The following CCBE1 variants were observed in gnomAD, a reference collection of about 807,000 sequenced individuals.
CCBE1 encodes the protein collagen and calcium binding EGF domains 1.
Under a neutral mutation model 50.0 loss-of-function variants are expected in CCBE1, and 37 were observed. The observed-to-expected ratio is 0.74, with a 90% CI of 0.57 to 0.97. CCBE1 has a LOEUF of 0.97. Ranked by LOEUF, CCBE1 falls within the 50% of genes least tolerant of loss-of-function variation. CCBE1 has a pLI of 0.00. For synonymous variants in CCBE1, 234 were observed against 203.7 expected, an observed-to-expected ratio of 1.15 and a Z score of -1.27; for missense variants, 538 against 523.8, an observed-to-expected ratio of 1.03 and a Z score of -0.26.
At chr18:59,682,931 C>A (rs73961295) in intron 2 of CCBE1, among the ~76,000 whole-genome samples, 24 of 152,318 alleles carry the variant, frequency 1.6e-4, no homozygotes, top group African/African-American at 5.3e-4. Flanking sequence ...TTGTGCCCCC[C>A]CTTCCCTGTA....
At chr18:59,629,055 T>C (rs2053821403) in intron 2 of CCBE1, among the ~76,000 whole-genome samples, 1 of 152,270 alleles carries the variant, frequency 6.6e-6, no homozygotes, top group East Asian at 1.9e-4. Flanking sequence ...GCCAGGGTAG[T>C]CTGGGACATA....
chr18:59,563,267 G>A (rs1020033613), intron 2 of CCBE1, among the ~76,000 whole-genome samples: 43 of 152,170 alleles, frequency 2.8e-4, no homozygotes, highest in African/African-American at 1.0e-3. Flanking sequence ...TGGGGGTTGG[G>A]GGGAAGAATA....
chr18:59,656,466 G>A (rs1190084937), intron 2 of CCBE1, among the ~76,000 whole-genome samples: 1 of 152,150 alleles, frequency 6.6e-6, no homozygotes, highest in Admixed American at 6.5e-5. Flanking sequence ...GTAATTGCTA[G>A]TTTGCAATAT....
chr18:59,488,190 G>A (rs633625), intron 2 of CCBE1, among the ~76,000 whole-genome samples: 1 of 151,970 alleles, frequency 6.6e-6, no homozygotes, highest in Non-Finnish European at 1.5e-5. Context: ...CTGTAAAGAC[G>A]GAGTTAGTAG....
chr18:59,520,652 G>A (rs536851073), intron 2 of CCBE1, among the ~76,000 whole-genome samples: 1 of 152,348 alleles, frequency 6.6e-6, no homozygotes, highest in South Asian at 2.1e-4. Context: ...AAAACCTACA[G>A]AAGGCAACAA....
chr18:59,565,536 A>G (rs888694714), intron 2 of CCBE1, among the ~76,000 whole-genome samples: 1 of 152,228 alleles, frequency 6.6e-6, no homozygotes, highest in Non-Finnish European at 1.5e-5. Flanking sequence ...ACTGAGGCCT[A>G]CTGCACATAG....
chr18:59,514,395 T>A (rs960888881), intron 2 of CCBE1, among the ~76,000 whole-genome samples: 16 of 152,118 alleles, frequency 1.1e-4, no homozygotes, highest in Non-Finnish European at 1.5e-4. Flanking sequence ...AGAGCGGCTG[T>A]CACTCTGCTT....
rs1172721735 is a variant in CCBE1 at position 59,466,768 on chromosome 18, G to A, written c.524C>T (p.Thr175Ile). The change falls in exon 5 of 11, where the codon ACC becomes ATC. Residue 175 changes from threonine to isoleucine, a missense_variant. By Grantham distance (89) the Thr-to-Ile change is moderately conservative (BLOSUM62 -1). Coordinates refer to ENST00000439986, the MANE Select transcript of CCBE1 (RefSeq NM_133459.4). Reference protein sequence around the residue: ...YIREDDGKTCTRGDKYPNDTG... With the variant: ...YIREDDGKTCIRGDKYPNDTG... ...GTCATTGGGATATTTGTCTCCCCTG[G>A]TACATGTCTTCCCATCATCTTCCCG... The A allele has an allele frequency of 2.5e-6, 4 of 1,613,396 alleles. No homozygotes were observed. Among genetic ancestry groups the A allele is most frequent in the Non-Finnish European group, 3.4e-6 (4 of 1,179,848 alleles).
intron 2 of CCBE1, among the ~76,000 whole-genome samples, chr18:59,618,493 G>A (rs1451691351): frequency 6.6e-6 from 1 of 150,500 alleles, no homozygotes; most frequent in Admixed American, 6.6e-5. Context: ...GGAGCGCAGT[G>A]GCACAATCTC....
chr18:59,648,701 C>T (rs371669274), intron 2 of CCBE1, among the ~76,000 whole-genome samples: 2 of 152,084 alleles, frequency 1.3e-5, no homozygotes, highest in East Asian at 3.9e-4. Flanking sequence ...GACCCTGTCT[C>T]AAAAGAACGA....
chr18:59,654,805 A>G (rs2054166536), intron 2 of CCBE1, among the ~76,000 whole-genome samples: 2 of 151,394 alleles, frequency 1.3e-5, no homozygotes, highest in African/African-American at 2.4e-5. Flanking sequence ...AAAAAAAAAA[A>G]AAAGGCCAGG....
At chr18:59,488,872 T>G (rs1349305007) in intron 2 of CCBE1, among the ~76,000 whole-genome samples, 1 of 152,124 alleles carries the variant, frequency 6.6e-6, no homozygotes, top group Non-Finnish European at 1.5e-5. Flanking sequence ...TTTCCTGTTG[T>G]GTCTCCCCCA....
chr18:59,680,677 A>G (rs934752243), intron 2 of CCBE1, among the ~76,000 whole-genome samples: 1 of 151,484 alleles, frequency 6.6e-6, no homozygotes, highest in Non-Finnish European at 1.5e-5. Context: ...CCAGCCTGGG[A>G]GACAGAGCGA....
intron 2 of CCBE1, among the ~76,000 whole-genome samples, chr18:59,684,887 T>TG (rs1185534960): frequency 1.3e-5 from 2 of 151,926 alleles, no homozygotes; most frequent in Non-Finnish European, 2.9e-5. Context: ...TTTTCTGGGG[T>TG]GGAGGGTGAG....
intron 2 of CCBE1, among the ~76,000 whole-genome samples, chr18:59,685,194 T>C (rs547815188): frequency 6.2e-4 from 95 of 152,222 alleles, no homozygotes; most frequent in Non-Finnish European, 1.2e-3. Flanking sequence ...GCTGAGAGCC[T>C]ACAATACAAA....
intron 10 of CCBE1, 45 bp from the exon 11 acceptor site, chr18:59,436,186 A>G (rs373646163): frequency 3.6e-4 from 563 of 1,560,376 alleles, no homozygotes; most frequent in Admixed American, 5.7e-4. Flanking sequence ...ACAGACAGCA[A>G]TGGCCTCCGG....
At chr18:59,658,414 TATAA>T (rs2054234088) in intron 2 of CCBE1, among the ~76,000 whole-genome samples, 1 of 68,526 alleles carries the variant, frequency 1.5e-5, no homozygotes, top group Non-Finnish European at 2.6e-5. Context: ...TATATATATA[TATAA>T]AGTTAGCTAC....
At chr18:59,631,335 T>A (rs757779110) in intron 2 of CCBE1, among the ~76,000 whole-genome samples, 6 of 152,070 alleles carry the variant, frequency 3.9e-5, no homozygotes, top group Non-Finnish European at 7.4e-5. Context: ...AGCCAGCCTA[T>A]CCCTAGAATT....
intron 2 of CCBE1, among the ~76,000 whole-genome samples, chr18:59,662,443 T>C (rs2054298146): frequency 6.6e-6 from 1 of 152,222 alleles, no homozygotes. Flanking sequence ...CCAGTTACAC[T>C]TTGTCATTTC....
Sources: allele counts gnomAD v4.1 joint callset (sites outside exome capture counted in the v4.1 genomes callset), GRCh38; gene constraint gnomAD v4.1.1; transcripts MANE v1.5; gene names NCBI Gene and HGNC (gene_info 2026-07-23, HGNC 2026-07-21).